Variants in USP36 observed in about 807,000 individuals in gnomAD.
USP36 encodes ubiquitin specific peptidase 36, also known as ubiquitin carboxyl-terminal hydrolase 36.
Under a neutral mutation model 111.5 loss-of-function variants are expected in USP36, and 59 were observed. The ratio of observed to expected loss-of-function variants is 0.53; its 90% CI spans 0.43 to 0.66. The LOEUF is 0.66. Among genes scored for constraint, USP36 ranks in the 30% least tolerant of loss-of-function variants. The probability of loss-of-function intolerance (pLI) is 0.00; values close to 1 mark genes in which losing one functional copy is unlikely to be tolerated. For synonymous variants in USP36, 628 were observed against 581.0 expected, an observed-to-expected ratio of 1.08 and a Z score of -1.16; for missense variants, 1,488 against 1,468.0, an observed-to-expected ratio of 1.01 and a Z score of -0.22.
In USP36 at chr17:78,807,262, A is replaced by G. The variant is rs762262292; in HGVS notation, c.1782T>C (p.His594=). The G allele has an allele frequency of 1.4e-5, 22 of 1,613,966 alleles. No individual in the cohort carries two copies. The highest frequency in any genetic ancestry group is 1.8e-5 in the Non-Finnish European group (21 of 1,180,006). Residue 594 remains histidine (H), a synonymous_variant, in exon 14 of 21, where the codon CAT becomes CAC. Coordinates refer to ENST00000449938, the MANE Select transcript of USP36 (RefSeq NM_001385174.1). ...CGCTCTCGTCGTTCCCCTTCAGCCC[A>G]TGCCCGTTGGCAGTGGCTGTAGCCA... ...KLLATATANG[H]GLKGNDESAG... is the part of the protein sequence containing the mutation.
intron 10 of USP36, among the ~76,000 whole-genome samples, chr17:78,816,950 C>T (rs77861957): frequency 0.035 from 5,292 of 152,270 alleles, 305 homozygotes; most frequent in African/African-American, 0.12. Flanking sequence ...TGATTTCTGT[C>T]ACCATTAATT....
chr17:78,806,104 C>T, intron 15 of USP36, 52 bp downstream of exon 15: 1 of 1,609,702 alleles, frequency 6.2e-7, no homozygotes, highest in African/African-American at 1.3e-5. Context: ...CAAGCACACG[C>T]AACCACAGGG....
intron 17 of USP36, among the ~76,000 whole-genome samples, chr17:78,800,786 G>A (rs1469454262): frequency 2.0e-5 from 3 of 152,182 alleles, no homozygotes; most frequent in East Asian, 3.9e-4. Flanking sequence ...CCCTTACTGT[G>A]TGGTTCTGGC....
At chr17:78,795,338 G>A (rs1394212497), downstream of USP36, among the ~76,000 whole-genome samples, 2 of 152,240 alleles carry the variant, frequency 1.3e-5, no homozygotes, top group Non-Finnish European at 2.9e-5. The surrounding 1 kb of genome is among the most constrained non-coding windows in gnomAD (Gnocchi z 4.5). Flanking sequence ...ATACCGTGGG[G>A]TGGAGAAAGC....
intron 10 of USP36, among the ~76,000 whole-genome samples, chr17:78,817,088 A>C (rs961133195): frequency 6.6e-6 from 1 of 152,104 alleles, no homozygotes; most frequent in Admixed American, 6.6e-5. Context: ...TACCTTCTCT[A>C]TGTTTAGATA....
intron 13 of USP36, among the ~76,000 whole-genome samples, chr17:78,808,450 T>A (rs546205356): frequency 6.6e-5 from 10 of 152,280 alleles, no homozygotes; most frequent in Admixed American, 4.6e-4. Flanking sequence ...GGGATCTTGC[T>A]ATGTTGCCCC....
Position 78,807,349 on chromosome 17 carries a change from C to T in USP36, c.1695G>A (p.Gly565=). 2.5e-6 allele frequency: 4 copies of T among 1,614,174 alleles called. No individual in the cohort carries two copies. The highest frequency in any genetic ancestry group is 3.4e-6 in the Non-Finnish European group (4 of 1,180,034). The change falls in exon 14 of 21, where the codon GGG becomes GGA. Residue 565 remains glycine, a synonymous_variant. Coordinates refer to ENST00000449938, the MANE Select transcript of USP36 (RefSeq NM_001385174.1). ...TGTCCCAGGAGCCCTGCCTTTGGCT[C>T]CCAGATCTGCTGCTATTCGAGTTGC... is the stretch of plus-strand genomic sequence containing the variant. ...GTSNSNSSRS[G]SQRQGSWDSR...
chr17:78,824,216 A>C (rs1478186436), intron 6 of USP36, among the ~76,000 whole-genome samples: 1 of 152,228 alleles, frequency 6.6e-6, no homozygotes, highest in African/African-American at 2.4e-5. Context: ...ACCATAACCC[A>C]AGGCTGGGCA....
At chr17:78,787,704 C>A (rs1384291667) in intron 3 of USP36, 1 of 152,208 alleles carries the variant, frequency 6.6e-6, no homozygotes, top group Non-Finnish European at 1.5e-5. Flanking sequence ...GAGAAGAGAA[C>A]CTTTCCATAC....
intron 4 of USP36, 111 bp downstream of exon 4, chr17:78,835,169 G>C: frequency 8.9e-7 from 1 of 1,128,868 alleles, no homozygotes; most frequent in South Asian, 1.5e-5. Context: ...TATACATTAT[G>C]AACTACCCTC....
At chr17:78,838,921 A>G (rs1241144336) in intron 1 of USP36, 171 bp from the exon 2 acceptor site, 1 of 152,070 alleles carries the variant, frequency 6.6e-6, no homozygotes, top group Non-Finnish European at 1.5e-5. Context: ...CTACCTCATC[A>G]CCAGTTGTTG....
rs74256159 is a variant in USP36 at position 78,815,395 on chromosome 17, C to T, written c.1024-843G>A. The stretch of plus-strand genomic sequence containing the variant: ...ATGCTGAGAAGTGAGTCTTCTCCAG[C>T]CAGCCTATGGGAAACTTTATTGTCC... On this transcript the variant is annotated intron_variant, in intron 10 of 20. Transcript: ENST00000449938. 4.5e-3 allele frequency among the ~76,000 whole-genome samples: 688 copies of T among 152,270 alleles called. 20 individuals are homozygous for T. The East Asian group carries it at 0.078, about 17-fold the overall frequency.
chr17:78,791,253 C>T (rs1007445942), downstream of USP36, among the ~76,000 whole-genome samples: 6 of 151,840 alleles, frequency 4.0e-5, no homozygotes, highest in South Asian at 6.3e-4. Context: ...TCCTGCCTCA[C>T]CCTCCCAAGT....
At chr17:78,789,727 A>T (rs982170115) in intron 3 of USP36, among the ~76,000 whole-genome samples, 3 of 152,236 alleles carry the variant, frequency 2.0e-5, no homozygotes, top group Non-Finnish European at 4.4e-5. Context: ...GTGCCACCCA[A>T]AAGACAGCTG....
Position 78,803,752 on chromosome 17 carries a change from T to C in USP36, c.2443A>G (p.Thr815Ala). The change falls in exon 16 of 21, where the codon ACC becomes GCC. Residue 815 changes from threonine to alanine, a missense_variant. Coordinates refer to ENST00000449938, the MANE Select transcript of USP36 (RefSeq NM_001385174.1). The surrounding 1 kb of genome is among the most constrained non-coding windows in gnomAD (Gnocchi z 4.6). ...PQSPSEKRKK[T>A]FVGEPQRLGS... ...AGCCTCTGCGGCTCTCCCACAAAGG[T>C]CTTTTTCCTCTTCTCAGAGGGGCTC... 6.2e-7 allele frequency: 1 copy of C among 1,612,390 alleles called. No individual in the cohort carries two copies. Among genetic ancestry groups the C allele is most frequent in the South Asian group, 1.1e-5 (1 of 91,042 alleles).
In USP36 at chr17:78,797,054, G is replaced by A. The variant is rs902862884; in HGVS notation, c.*846C>T. 1 of 152,202 alleles carries A rather than the reference G, an allele frequency of 6.6e-6. No homozygotes were observed. Among genetic ancestry groups the A allele is most frequent in the East Asian group, 1.9e-4 (1 of 5,200 alleles). The allele number at this position is 152,202 out of a possible 1,614,324, so 9.4% of individuals were successfully genotyped here. On this transcript the variant is annotated 3_prime_UTR_variant, in exon 21 of 21. Transcript: ENST00000449938. ...TTGGGAAAGGAAACATATTGCTAATGGAAGCCACAGGACTGGTCAAAAATA... is the reference window on the plus strand; with the variant it reads ...TTGGGAAAGGAAACATATTGCTAATAGAAGCCACAGGACTGGTCAAAAATA...
intron 3 of USP36, among the ~76,000 whole-genome samples, chr17:78,788,986 T>TC (rs2093558786): frequency 6.6e-6 from 1 of 151,474 alleles, no homozygotes; most frequent in Admixed American, 6.6e-5. Flanking sequence ...GATCACGAGG[T>TC]CAGGAGTTCG....
At chr17:78,834,417 C>T (rs1221447283) in intron 4 of USP36, among the ~76,000 whole-genome samples, 2 of 151,962 alleles carry the variant, frequency 1.3e-5, no homozygotes, top group Non-Finnish European at 2.9e-5. Flanking sequence ...ATAGAGCACA[C>T]CACCACATCC....
Position 78,795,689 on chromosome 17 carries a change from G to A in USP36, c.*2211C>T, listed in dbSNP as rs1437081985. On this transcript the variant is annotated 3_prime_UTR_variant, in exon 21 of 21. Coordinates refer to ENST00000449938, the MANE Select transcript of USP36 (RefSeq NM_001385174.1). This position sits in a 1 kb window ranked among gnomAD's most constrained non-coding sequence, Gnocchi z 4.5. ...AGTATTTTATTGCACCAAGATCTTG[G>A]CAACACGTGGGGCTCCCCAGGCCCC... 2.6e-5 allele frequency: 4 copies of A among 152,172 alleles called. No individual in the cohort carries two copies. The highest frequency in any genetic ancestry group is 2.6e-4 in the Admixed American group (4 of 15,286). 9.4% of individuals were successfully genotyped at this position (152,172 alleles called of 1,614,324 possible).
Sources: allele counts gnomAD v4.1 joint callset (sites outside exome capture counted in the v4.1 genomes callset), GRCh38; gene constraint gnomAD v4.1.1; non-coding constraint Gnocchi (gnomAD v3.1); transcripts MANE v1.5; gene names NCBI Gene and HGNC (gene_info 2026-07-23, HGNC 2026-07-21).